SDK1: variants seen among roughly 807,000 people sequenced by gnomAD.
SDK1 encodes the protein sidekick cell adhesion molecule 1, also known as protein sidekick-1.
Under a neutral mutation model 245.5 loss-of-function variants are expected in SDK1, and 157 were observed. That is an observed-to-expected ratio of 0.64 (90% CI 0.56 to 0.73). SDK1 has a LOEUF of 0.73. Ranked by LOEUF, SDK1 falls within the 30% of genes least tolerant of loss-of-function variation. SDK1 has a pLI of 0.00. For synonymous variants in SDK1, 1,647 were observed against 1,278.5 expected (o/e 1.29, Z -6.15); for missense variants, 3,583 against 3,002.3 (o/e 1.19, Z -4.52).
intron 19 of SDK1, among the ~76,000 whole-genome samples, chr7:4,059,586 A>C (rs955848403): frequency 1.3e-5 from 2 of 152,224 alleles, no homozygotes; most frequent in African/African-American, 4.8e-5. Flanking sequence ...CTTTAGACTA[A>C]ATGGACCTAA....
Position 4,241,773 on chromosome 7 carries a change from A to G in SDK1, c.6131-20A>G. ...CCACACCAGTAACACGTCTGTTCTCACTCTCCTGCTGGGCTTTAGGAAAGG... is the reference window on the plus strand; with the variant it reads ...CCACACCAGTAACACGTCTGTTCTCGCTCTCCTGCTGGGCTTTAGGAAAGG... On this transcript the variant is annotated intron_variant, in intron 42 of 44. Coordinates refer to ENST00000404826, the MANE Select transcript of SDK1 (RefSeq NM_152744.4). 1 of 1,613,608 alleles carries G rather than the reference A, an allele frequency of 6.2e-7. No individual in the cohort carries two copies. Among genetic ancestry groups the G allele is most frequent in the South Asian group, 1.1e-5 (1 of 91,036 alleles).
At chr7:3,556,231 G>A (rs1779584054) in intron 1 of SDK1, among the ~76,000 whole-genome samples, 1 of 152,114 alleles carries the variant, frequency 6.6e-6, no homozygotes, top group Non-Finnish European at 1.5e-5. Flanking sequence ...AGTATATTCA[G>A]CCATAAAGAA....
intron 4 of SDK1, among the ~76,000 whole-genome samples, chr7:3,658,213 G>T (rs189441450): frequency 6.6e-6 from 1 of 152,188 alleles, no homozygotes; most frequent in African/African-American, 2.4e-5. Flanking sequence ...TGTCATAGCC[G>T]TGAGGTGGAA....
At chr7:3,496,498 C>G (rs973968697) in intron 1 of SDK1, among the ~76,000 whole-genome samples, 3 of 149,864 alleles carry the variant, frequency 2.0e-5, no homozygotes, top group Admixed American at 6.6e-5. Flanking sequence ...GTTGTATGTA[C>G]TTTATCTTAT....
chr7:3,664,279 A>G (rs1783457575), intron 4 of SDK1, among the ~76,000 whole-genome samples: 1 of 152,198 alleles, frequency 6.6e-6, no homozygotes, highest in Non-Finnish European at 1.5e-5. Flanking sequence ...AAATGTTGCA[A>G]TGAAAAACAC....
chr7:4,070,256 T>C (rs973553231), intron 20 of SDK1, among the ~76,000 whole-genome samples: 3 of 152,240 alleles, frequency 2.0e-5, no homozygotes, highest in African/African-American at 7.2e-5. Flanking sequence ...TTCTCAGACC[T>C]TGGGACCAGA....
chr7:3,935,031 T>G (rs1780107529), intron 5 of SDK1, among the ~76,000 whole-genome samples: 2 of 152,210 alleles, frequency 1.3e-5, no homozygotes, highest in African/African-American at 4.8e-5. Flanking sequence ...AAGAACAACT[T>G]TGAGAGCATT....
chr7:3,427,943 C>A (rs976313131), intron 1 of SDK1, among the ~76,000 whole-genome samples: 1 of 151,812 alleles, frequency 6.6e-6, no homozygotes, highest in Non-Finnish European at 1.5e-5. Flanking sequence ...TCAGCTATTT[C>A]TTCTCTAAAC....
Position 3,665,196 on chromosome 7 carries a change from G to A in SDK1, c.713+23091G>A, listed in dbSNP as rs79615479. Among the ~76,000 whole-genome samples the A allele has an allele frequency of 5.7e-3, 866 of 152,254 alleles. 12 individuals are homozygous for A. Among genetic ancestry groups the A allele is most frequent in the African/African-American group, 0.02 (823 of 41,548 alleles). Reference sequence around the variant, plus strand: ...TGCCCTCTGTGCCTCCTCAACAGGAGACCCACACATGGGGACCACCCTGTG... The same window carrying A: ...TGCCCTCTGTGCCTCCTCAACAGGAAACCCACACATGGGGACCACCCTGTG... On this transcript the variant is annotated intron_variant, in intron 4 of 44. Coordinates refer to ENST00000404826, the MANE Select transcript of SDK1 (RefSeq NM_152744.4).
chr7:3,884,075 G>GTTTT (rs1245065311), intron 5 of SDK1, among the ~76,000 whole-genome samples: 4 of 138,928 alleles, frequency 2.9e-5, no homozygotes, highest in East Asian at 2.1e-4. Context: ...TTGTTTGTTT[G>GTTTT]TTTTTTTGTT....
intron 17 of SDK1, among the ~76,000 whole-genome samples, chr7:4,047,335 G>A (rs1300548099): frequency 6.6e-6 from 1 of 152,154 alleles, no homozygotes; most frequent in East Asian, 1.9e-4. Context: ...CCATGTATAA[G>A]ATACACCTCG....
chr7:3,554,478 C>T (rs996162974), intron 1 of SDK1, among the ~76,000 whole-genome samples: 1 of 152,146 alleles, frequency 6.6e-6, no homozygotes, highest in Non-Finnish European at 1.5e-5. Flanking sequence ...TAAATTACTA[C>T]ATTAAAAATG....
chr7:3,408,755 A>G (rs1053019654), intron 1 of SDK1, among the ~76,000 whole-genome samples: 11 of 152,196 alleles, frequency 7.2e-5, no homozygotes, highest in East Asian at 1.9e-4. Flanking sequence ...TTTTTCTTCA[A>G]TATGCAGTTT....
At position 3,364,317 on chromosome 7, in the gene SDK1, T is replaced by C. The variant is rs145022072; in HGVS notation, c.298+62433T>C. Among the ~76,000 whole-genome samples the C allele has an allele frequency of 8.1e-3, 1,231 of 152,300 alleles. 20 individuals are homozygous for C. Among genetic ancestry groups the C allele is most frequent in the African/African-American group, 0.028 (1,175 of 41,568 alleles). Reference sequence around the variant, plus strand: ...AGTCAGATTGATAAGTTTTTTCTTTTATGGGTCATGCTTTTGCTGTCGAGA... The same window carrying C: ...AGTCAGATTGATAAGTTTTTTCTTTCATGGGTCATGCTTTTGCTGTCGAGA... On this transcript the variant is annotated intron_variant, in intron 1 of 44. Transcript: ENST00000404826.
chr7:3,311,358 G>A (rs1779545918), intron 1 of SDK1, among the ~76,000 whole-genome samples: 1 of 152,134 alleles, frequency 6.6e-6, no homozygotes. Flanking sequence ...CATGGGTAAT[G>A]GTGATCTTTT....
intron 4 of SDK1, among the ~76,000 whole-genome samples, chr7:3,772,909 T>G (rs555253554): frequency 6.6e-6 from 1 of 152,322 alleles, no homozygotes; most frequent in African/African-American, 2.4e-5. Context: ...CTGCTGATAA[T>G]TTTATTGAGG....
intron 1 of SDK1, among the ~76,000 whole-genome samples, chr7:3,610,050 A>G (rs1432482462): frequency 6.6e-6 from 1 of 152,196 alleles, no homozygotes; most frequent in Non-Finnish European, 1.5e-5. Flanking sequence ...TCTAAACTCA[A>G]ATCACATATT....
At chr7:3,663,066 T>C (rs190298996) in intron 4 of SDK1, among the ~76,000 whole-genome samples, 3 of 152,370 alleles carry the variant, frequency 2.0e-5, no homozygotes, top group East Asian at 3.9e-4. Context: ...ATATTTGATC[T>C]CATTTTGGAC....
Position 4,267,319 on chromosome 7 carries a change from C to T in SDK1, c.*1935C>T, listed in dbSNP as rs1788530061. 2.2e-6 allele frequency: 2 copies of T among 891,032 alleles called. No homozygotes were observed. The highest frequency in any genetic ancestry group is 2.7e-6 in the Non-Finnish European group (2 of 744,522). The allele number at this position is 891,032 out of a possible 1,614,324, so 55.2% of individuals were successfully genotyped here. A position where few individuals can be genotyped will look rare whatever the true frequency, so the allele number is the denominator to read the frequency against. ...CTTCCCTCCCTTCTTTCCCTCCCTCCCTTCCTCTCTCCCCTATTCCTTCTT... is the reference window on the plus strand; with the variant it reads ...CTTCCCTCCCTTCTTTCCCTCCCTCTCTTCCTCTCTCCCCTATTCCTTCTT... On this transcript the variant is annotated 3_prime_UTR_variant, in exon 45 of 45. Coordinates refer to ENST00000404826, the MANE Select transcript of SDK1 (RefSeq NM_152744.4).
Sources: gnomAD v4.1 joint callset for allele counts (sites outside exome capture counted in the v4.1 genomes callset) on GRCh38, gnomAD v4.1.1 for gene constraint, MANE v1.5 for transcripts, NCBI Gene and HGNC (gene_info 2026-07-23, HGNC 2026-07-21) for gene names.